The following STK24 variants were observed in gnomAD, a reference collection of about 807,000 sequenced individuals.
STK24 encodes serine/threonine kinase 24.
STK24 carries 21 observed loss-of-function variants against 55.6 expected under a neutral mutation model. The ratio of observed to expected loss-of-function variants is 0.38; its 90% CI spans 0.27 to 0.54. The LOEUF is 0.54. Ranked by LOEUF, STK24 falls within the 20% of genes least tolerant of loss-of-function variation. The pLI is 0.79. For synonymous variants in STK24, 200 were observed against 215.2 expected (o/e 0.93, Z 0.62); for missense variants, 383 against 538.4 (o/e 0.71, Z 2.86).
At chr13:98,503,288 C>T (rs1462779763) in intron 2 of STK24, among the ~76,000 whole-genome samples, 1 of 152,096 alleles carries the variant, frequency 6.6e-6, no homozygotes, top group African/African-American at 2.4e-5. Context: ...ATGTGCCTGC[C>T]GCTCAGTCAC....
At chr13:98,566,243 A>G (rs1339542682) in intron 1 of STK24, among the ~76,000 whole-genome samples, 1 of 152,258 alleles carries the variant, frequency 6.6e-6, no homozygotes, top group Non-Finnish European at 1.5e-5. Context: ...TCTTCTTTAA[A>G]GGTTAAAAAC....
chr13:98,453,030 C>T lies in STK24; in HGVS notation c.*143G>A. The T allele has an allele frequency of 1.2e-6, 1 of 838,592 alleles. No homozygotes were observed. Among genetic ancestry groups the T allele is most frequent in the South Asian group, 1.7e-5 (1 of 59,552 alleles). 51.9% of individuals were successfully genotyped at this position (838,592 alleles called of 1,614,324 possible). A position where few individuals can be genotyped will look rare whatever the true frequency, so the allele number is the denominator to read the frequency against. On this transcript the variant is annotated 3_prime_UTR_variant, in exon 11 of 11. Transcript: ENST00000539966. ...CAGCACAGTGAAGACTGTGTGTGTCCCTGGACGGGCGCCTGGCGCTGGGGT... is the reference window on the plus strand; with the variant it reads ...CAGCACAGTGAAGACTGTGTGTGTCTCTGGACGGGCGCCTGGCGCTGGGGT...
chr13:98,479,684 A>G (rs1186439708), intron 3 of STK24, among the ~76,000 whole-genome samples: 1 of 152,182 alleles, frequency 6.6e-6, no homozygotes, highest in Admixed American at 6.5e-5. Flanking sequence ...AGGCATCTGT[A>G]AATTTCCAGA....
intron 2 of STK24, among the ~76,000 whole-genome samples, chr13:98,502,970 G>GTT (rs1166664357): frequency 1.0e-4 from 15 of 149,480 alleles, no homozygotes; most frequent in Non-Finnish European, 2.2e-4. Context: ...AGATTTTCAG[G>GTT]TAATTAAGGG....
rs1337065520 is a variant in STK24 at position 98,449,292 on chromosome 13, C to T, written c.*3881G>A. ...ACTGTGGTTTGAAACTGCGCATTCT[C>T]TAGTAGTATATATCGTGCCTGTCTT... On this transcript the variant is annotated 3_prime_UTR_variant, in exon 11 of 11. Coordinates refer to ENST00000539966, the MANE Select transcript of STK24 (RefSeq NM_001032296.4). 1.3e-5 allele frequency: 2 copies of T among 152,246 alleles called. No homozygotes were observed. Among genetic ancestry groups the T allele is most frequent in the Non-Finnish European group, 2.9e-5 (2 of 68,070 alleles). The allele number at this position is 152,246 out of a possible 1,614,324, so 9.4% of individuals were successfully genotyped here.
intron 1 of STK24, among the ~76,000 whole-genome samples, chr13:98,526,154 G>T (rs1896422431): frequency 6.6e-6 from 1 of 152,126 alleles, no homozygotes; most frequent in Admixed American, 6.5e-5. Flanking sequence ...GCTTTTTCTG[G>T]TTTTTAAACA....
At chr13:98,548,540 T>G (rs1305330376) in intron 1 of STK24, among the ~76,000 whole-genome samples, 1 of 152,148 alleles carries the variant, frequency 6.6e-6, no homozygotes, top group East Asian at 1.9e-4. Flanking sequence ...ACTATTATTC[T>G]CCCTCGTGTC....
At chr13:98,454,634 G>C (rs943439425) in intron 10 of STK24, 3 of 152,206 alleles carry the variant, frequency 2.0e-5, no homozygotes, top group Non-Finnish European at 4.4e-5. Context: ...CTCTGAAAAT[G>C]CTTCAGAGGA....
intron 2 of STK24, among the ~76,000 whole-genome samples, chr13:98,488,160 GACACACACACACACACACACAC>G (rs71213678): frequency 8.4e-5 from 11 of 130,408 alleles, no homozygotes; most frequent in South Asian, 2.8e-4. Flanking sequence ...AAGAGATGAA[GACACACACACACACACACACAC>G]ACACACACAC....
At chr13:98,569,659 T>C (rs1897685552) in intron 1 of STK24, among the ~76,000 whole-genome samples, 1 of 151,902 alleles carries the variant, frequency 6.6e-6, no homozygotes, top group African/African-American at 2.4e-5. Flanking sequence ...GTAACTATGG[T>C]TGAGTAATAA....
intron 1 of STK24, among the ~76,000 whole-genome samples, chr13:98,555,781 C>T (rs933014282): frequency 7.5e-5 from 11 of 145,706 alleles, no homozygotes; most frequent in African/African-American, 7.6e-5. Context: ...CCTGGGTTCA[C>T]GCCATTCTCC....
At chr13:98,507,553 T>A (rs956952280) in intron 2 of STK24, among the ~76,000 whole-genome samples, 53 of 152,230 alleles carry the variant, frequency 3.5e-4, no homozygotes, top group African/African-American at 1.2e-3. Flanking sequence ...GCTCTAATTA[T>A]CTTTGGCTCT....
chr13:98,523,066 T>G (rs1400022762), intron 1 of STK24, among the ~76,000 whole-genome samples: 2 of 152,138 alleles, frequency 1.3e-5, no homozygotes, highest in Non-Finnish European at 2.9e-5. Context: ...CTACGAAGAA[T>G]TTCTGATTCA....
chr13:98,531,345 A>G (rs1394692600), intron 1 of STK24, among the ~76,000 whole-genome samples: 1 of 152,226 alleles, frequency 6.6e-6, no homozygotes, highest in Non-Finnish European at 1.5e-5. Context: ...CAAATGAAAA[A>G]GACCAAATAA....
chr13:98,493,001 C>T (rs1010726956), intron 2 of STK24, among the ~76,000 whole-genome samples: 10 of 152,220 alleles, frequency 6.6e-5, no homozygotes, highest in Admixed American at 2.0e-4. Context: ...TAATTTTTAA[C>T]TGATTTCCTT....
chr13:98,493,543 GATC>G (rs779704278), intron 2 of STK24, among the ~76,000 whole-genome samples: 15 of 152,116 alleles, frequency 9.9e-5, no homozygotes, highest in Non-Finnish European at 1.9e-4. Flanking sequence ...CACAGTAAAT[GATC>G]ATCAACTGCC....
rs143248119 is a variant in STK24 at position 98,524,808 on chromosome 13, C to T, written c.43-5335G>A. ...TGTTTTCCTTTTGCCTGGACCAAGA[C>T]GGCTTAGAAAACAGCAATTTTCACT... On this transcript the variant is annotated intron_variant, in intron 1 of 10. Transcript: ENST00000539966. Among the ~76,000 whole-genome samples, 359 of 152,320 alleles carry T rather than the reference C, an allele frequency of 2.4e-3. 3 individuals carry two copies. The highest frequency in any genetic ancestry group is 8.2e-3 in the African/African-American group (341 of 41,566).
chr13:98,505,628 C>T (rs1895655067), intron 2 of STK24, among the ~76,000 whole-genome samples: 1 of 152,228 alleles, frequency 6.6e-6, no homozygotes, highest in South Asian at 2.1e-4. Flanking sequence ...TGTAAACTAA[C>T]TTGAGTACCT....
At chr13:98,555,888 T>G (rs1319794231) in intron 1 of STK24, among the ~76,000 whole-genome samples, 1 of 151,864 alleles carries the variant, frequency 6.6e-6, no homozygotes, top group Non-Finnish European at 1.5e-5. Flanking sequence ...TTCACCATGT[T>G]AGCCAGGATG....
Sources: gnomAD v4.1 joint callset for allele counts (sites outside exome capture counted in the v4.1 genomes callset) on GRCh38, gnomAD v4.1.1 for gene constraint, MANE v1.5 for transcripts, NCBI Gene and HGNC (gene_info 2026-07-23, HGNC 2026-07-21) for gene names.